KAZN: variants seen among roughly 807,000 people sequenced by gnomAD.
The protein encoded by KAZN is kazrin, periplakin interacting protein.
KAZN carries 40 observed loss-of-function variants against 87.4 expected under a neutral mutation model. That is an observed-to-expected ratio of 0.46 (90% CI 0.36 to 0.60). KAZN has a LOEUF of 0.60. KAZN is among the 20% of genes least tolerant of loss of function. The probability of loss-of-function intolerance (pLI) is 0.00; values close to 1 mark genes in which losing one functional copy is unlikely to be tolerated. For synonymous variants in KAZN, 466 were observed against 458.3 expected (o/e 1.02, Z -0.22); for missense variants, 898 against 1,073.9 (o/e 0.84, Z 2.29).
At chr1:14,125,028 C>T (rs1480398783) in intron 1 of KAZN, among the ~76,000 whole-genome samples, 1 of 152,104 alleles carries the variant, frequency 6.6e-6, no homozygotes, top group African/African-American at 2.4e-5. Flanking sequence ...GTGGTGAGGC[C>T]TCAGTAGCAA....
intron 2 of KAZN, among the ~76,000 whole-genome samples, chr1:14,527,144 C>G (rs1671915589): frequency 6.6e-6 from 1 of 152,078 alleles, no homozygotes. Flanking sequence ...CACTTGGGGT[C>G]ATTCATGAAG....
rs114236304 is a variant in KAZN, at chr1:15,036,587, T to C, written c.555+1702T>C. ...AGACTCTGGCATGGGGAGCAACTCA[T>C]GGGCCTGGGGTGCAGCTCGTGGGCC... On this transcript the variant is annotated intron_variant, in intron 3 of 14. Transcript: ENST00000376030. 9.4e-3 allele frequency among the ~76,000 whole-genome samples: 1,429 copies of C among 152,126 alleles called. 26 individuals carry two copies. Among genetic ancestry groups the C allele is most frequent in the African/African-American group, 0.033 (1,378 of 41,534 alleles).
At chr1:14,930,049 G>A (rs1054799013) in intron 1 of KAZN, 65 of 985,484 alleles carry the variant, frequency 6.6e-5, no homozygotes, top group Admixed American at 1.2e-4. Flanking sequence ...TGACAGGTAC[G>A]TGAGTGCTGG....
intron 1 of KAZN, among the ~76,000 whole-genome samples, chr1:13,980,603 A>G (rs1638613131): frequency 6.6e-6 from 1 of 152,222 alleles, no homozygotes; most frequent in Non-Finnish European, 1.5e-5. Flanking sequence ...GCTTACTAAT[A>G]TAGCCCCAAA....
rs1443108473 is a variant in KAZN, at chr1:14,514,384, ATATT to A, written c.250-84598_250-84595del. Among the ~76,000 whole-genome samples the A allele has an allele frequency of 9.1e-5, 2 of 22,020 alleles. 1 individual carries two copies. The highest frequency in any genetic ancestry group is 1.8e-4 in the Non-Finnish European group (2 of 11,212). 14.4% of individuals were successfully genotyped at this position (22,020 alleles called of 152,430 possible). A position where few individuals can be genotyped will look rare whatever the true frequency, so the allele number is the denominator to read the frequency against. ...ATATATTTATATATATAATATATAT[ATATT>A]ATATATATTTATATATATAATATAT... On this transcript the variant is annotated intron_variant, in intron 2 of 16. Transcript: ENST00000636203.
At chr1:14,695,979 C>T (rs1045811088) in intron 1 of KAZN, among the ~76,000 whole-genome samples, 7 of 152,170 alleles carry the variant, frequency 4.6e-5, no homozygotes, top group Non-Finnish European at 8.8e-5. Flanking sequence ...TTCCAGGAGA[C>T]GTGTTGATAC....
At chr1:14,860,220 C>A (rs1290226482) in intron 1 of KAZN, among the ~76,000 whole-genome samples, 1 of 151,856 alleles carries the variant, frequency 6.6e-6, no homozygotes, top group Non-Finnish European at 1.5e-5. Context: ...TCAACAGGGT[C>A]TCACTCTGTT....
intron 2 of KAZN, among the ~76,000 whole-genome samples, chr1:14,589,595 T>C (rs1407378417): frequency 6.6e-6 from 1 of 152,216 alleles, no homozygotes; most frequent in Non-Finnish European, 1.5e-5. Context: ...TGGAATAATT[T>C]AGTATTGGCT....
intron 2 of KAZN, among the ~76,000 whole-genome samples, chr1:14,465,361 T>A (rs1336665728): frequency 7.7e-6 from 1 of 130,096 alleles, no homozygotes; most frequent in Non-Finnish European, 1.5e-5. Flanking sequence ...ATTGTGCCAC[T>A]GCACTCCAGC....
At chr1:14,499,505 T>C (rs1670126060) in intron 2 of KAZN, among the ~76,000 whole-genome samples, 1 of 152,188 alleles carries the variant, frequency 6.6e-6, no homozygotes, top group African/African-American at 2.4e-5. Flanking sequence ...GCCAGGATTG[T>C]GCAAAAGGGA....
chr1:14,908,715 C>A (rs1024508569), intron 1 of KAZN, among the ~76,000 whole-genome samples: 1 of 151,186 alleles, frequency 6.6e-6, no homozygotes, highest in East Asian at 2.0e-4. Context: ...CAGACCCTGG[C>A]TCAAAAAGAA....
intron 1 of KAZN, among the ~76,000 whole-genome samples, chr1:14,838,778 C>T (rs1211195679): frequency 6.6e-6 from 1 of 152,150 alleles, no homozygotes; most frequent in African/African-American, 2.4e-5. Context: ...CTTGCCACCA[C>T]ACCTGGCTAA....
At chr1:15,070,575 G>A (rs568834637) in intron 8 of KAZN, among the ~76,000 whole-genome samples, 1 of 152,222 alleles carries the variant, frequency 6.6e-6, no homozygotes. Flanking sequence ...TGTGACAAAC[G>A]GTATCGTGCC....
chr1:15,073,828 T>G (rs1447555954), intron 8 of KAZN, among the ~76,000 whole-genome samples: 1 of 152,132 alleles, frequency 6.6e-6, no homozygotes, highest in African/African-American at 2.4e-5. Context: ...GCCAGTGATA[T>G]CCCATGGACA....
At chr1:14,778,133 C>G (rs1645231739) in intron 1 of KAZN, among the ~76,000 whole-genome samples, 1 of 152,156 alleles carries the variant, frequency 6.6e-6, no homozygotes, top group African/African-American at 2.4e-5. Flanking sequence ...AGGTCTCAGC[C>G]TTATTTTACC....
intron 2 of KAZN, among the ~76,000 whole-genome samples, chr1:14,430,983 A>G (rs1283511991): frequency 2.6e-5 from 4 of 152,170 alleles, no homozygotes; most frequent in Non-Finnish European, 4.4e-5. Flanking sequence ...GACAAGCTCC[A>G]CTGTTATAGA....
intron 1 of KAZN, among the ~76,000 whole-genome samples, chr1:14,854,248 G>A (rs1432166101): frequency 6.6e-6 from 1 of 152,232 alleles, no homozygotes; most frequent in Non-Finnish European, 1.5e-5. Context: ...TGACTGGTGA[G>A]TGCTTCCAGC....
At chr1:14,125,688 A>G (rs1176711394) in intron 1 of KAZN, among the ~76,000 whole-genome samples, 1 of 152,098 alleles carries the variant, frequency 6.6e-6, no homozygotes, top group Admixed American at 6.5e-5. Flanking sequence ...GAAGATAGTA[A>G]ACTTCTGTTA....
At chr1:14,550,743 CA>C (rs796993996) in intron 2 of KAZN, among the ~76,000 whole-genome samples, 14,519 of 72,422 alleles carry the variant, frequency 0.2, 1,566 homozygotes, top group Non-Finnish European at 0.29. Context: ...CTCTCTCCCC[CA>C]CCCCGCCACC....
Sources: gnomAD v4.1 joint callset for allele counts (sites outside exome capture counted in the v4.1 genomes callset) on GRCh38, gnomAD v4.1.1 for gene constraint, MANE v1.5 for transcripts, NCBI Gene and HGNC (gene_info 2026-07-23, HGNC 2026-07-21) for gene names.